DGKB: variants seen among roughly 807,000 people sequenced by gnomAD.
The protein encoded by DGKB is diacylglycerol kinase beta, also known as 90 kDa diacylglycerol kinase.
In DGKB, 67 loss-of-function variants were observed where a neutral mutation model predicts 114.3. The observed-to-expected ratio is 0.59, with a 90% CI of 0.48 to 0.72. The LOEUF is 0.72. Among genes scored for constraint, DGKB ranks in the 30% least tolerant of loss-of-function variants. The pLI, the probability that DGKB is intolerant of heterozygous loss-of-function variation, is 0.00. For missense variants in DGKB, 907 were observed against 975.2 expected, an observed-to-expected ratio of 0.93 and a Z score of 0.93; for synonymous variants, 398 against 323.1, an observed-to-expected ratio of 1.23 and a Z score of -2.49.
intron 21 of DGKB, among the ~76,000 whole-genome samples, chr7:14,464,719 G>C (rs1201877539): frequency 6.6e-6 from 1 of 152,178 alleles, no homozygotes; most frequent in Admixed American, 6.5e-5. Flanking sequence ...GAGGATCATA[G>C]AAATTCAGAT....
At chr7:14,552,517 G>A (rs112690115) in intron 20 of DGKB, among the ~76,000 whole-genome samples, 61 of 152,268 alleles carry the variant, frequency 4.0e-4, no homozygotes, top group African/African-American at 1.3e-3. Context: ...ATAATATTGT[G>A]TGCTAACCCT....
intron 21 of DGKB, among the ~76,000 whole-genome samples, chr7:14,464,668 T>C (rs942442464): frequency 6.6e-6 from 1 of 152,200 alleles, no homozygotes; most frequent in African/African-American, 2.4e-5. Flanking sequence ...GTGTACTTGT[T>C]AGTATTTTTA....
At chr7:14,197,917 C>T (rs1785257650) in intron 23 of DGKB, among the ~76,000 whole-genome samples, 1 of 152,000 alleles carries the variant, frequency 6.6e-6, no homozygotes, top group Admixed American at 6.6e-5. Flanking sequence ...ACACAGTCCT[C>T]CTAAGTAAGG....
intron 1 of DGKB, among the ~76,000 whole-genome samples, chr7:14,854,065 G>A (rs1437455617): frequency 6.6e-6 from 1 of 151,900 alleles, no homozygotes; most frequent in African/African-American, 2.4e-5. Flanking sequence ...TCAACATACT[G>A]TTTCCAAAAG....
intron 20 of DGKB, among the ~76,000 whole-genome samples, chr7:14,502,055 C>G (rs998542521): frequency 1.3e-5 from 2 of 151,850 alleles, no homozygotes; most frequent in African/African-American, 4.8e-5. Context: ...ATTTTTTTCC[C>G]TACTTGTTCA....
intron 2 of DGKB, among the ~76,000 whole-genome samples, chr7:14,818,482 A>G (rs1488902899): frequency 6.6e-6 from 1 of 152,132 alleles, no homozygotes; most frequent in East Asian, 1.9e-4. Flanking sequence ...GAAACAGCCC[A>G]CTATACTTCT....
chr7:14,553,610 A>T (rs1038008963), intron 20 of DGKB, among the ~76,000 whole-genome samples: 3 of 152,176 alleles, frequency 2.0e-5, no homozygotes, highest in Non-Finnish European at 2.9e-5. Flanking sequence ...GCAGCACTGT[A>T]GAACAGGTTG....
At chr7:14,940,732 A>G (rs1785527440) in intron 1 of DGKB, among the ~76,000 whole-genome samples, 1 of 152,122 alleles carries the variant, frequency 6.6e-6, no homozygotes, top group Admixed American at 6.6e-5. Flanking sequence ...TTTTATATCA[A>G]AACCAACTAT....
chr7:14,761,733 G>A (rs1223489950), intron 2 of DGKB, among the ~76,000 whole-genome samples: 1 of 152,186 alleles, frequency 6.6e-6, no homozygotes, highest in African/African-American at 2.4e-5. Context: ...CAGGCAAGCA[G>A]CCAGCCAGGC....
intron 12 of DGKB, among the ~76,000 whole-genome samples, chr7:14,673,389 G>A (rs532540849): frequency 7.2e-6 from 1 of 138,610 alleles, no homozygotes; most frequent in South Asian, 2.3e-4. Context: ...AAACCACTGT[G>A]CCTGTGTATG....
chr7:14,912,497 C>A (rs142639228), intron 1 of DGKB, among the ~76,000 whole-genome samples: 1 of 151,990 alleles, frequency 6.6e-6, no homozygotes, highest in East Asian at 1.9e-4. Flanking sequence ...AGGTAGAATG[C>A]GCTGGAACAA....
At chr7:14,320,038 G>C (rs1807437544) in intron 23 of DGKB, among the ~76,000 whole-genome samples, 1 of 152,130 alleles carries the variant, frequency 6.6e-6, no homozygotes, top group African/African-American at 2.4e-5. Context: ...AGCACTGCTG[G>C]AATAGCAGCC....
intron 2 of DGKB, among the ~76,000 whole-genome samples, chr7:14,766,042 G>C (rs1836403711): frequency 6.6e-6 from 1 of 151,834 alleles, no homozygotes. Flanking sequence ...ATCTATATGT[G>C]ATTATTTGTA....
intron 23 of DGKB, among the ~76,000 whole-genome samples, chr7:14,216,342 C>T (rs1282083398): frequency 6.6e-6 from 1 of 152,100 alleles, no homozygotes; most frequent in African/African-American, 2.4e-5. Flanking sequence ...TTCAAGGTCA[C>T]ACTAGTGTAC....
At chr7:14,571,137 A>ACC (rs1045219532) in intron 20 of DGKB, among the ~76,000 whole-genome samples, 2 of 152,204 alleles carry the variant, frequency 1.3e-5, no homozygotes, top group Non-Finnish European at 2.9e-5. Context: ...CTGGAAATTG[A>ACC]CCAAAGCATA....
chr7:14,474,367 C>T (rs1464252637), intron 21 of DGKB, among the ~76,000 whole-genome samples: 1 of 152,170 alleles, frequency 6.6e-6, no homozygotes, highest in Non-Finnish European at 1.5e-5. Context: ...GCCTTCTCAG[C>T]CATGTGGAAC....
intron 1 of DGKB, among the ~76,000 whole-genome samples, chr7:14,970,043 A>G (rs373616794): frequency 1.2e-4 from 18 of 152,316 alleles, no homozygotes; most frequent in African/African-American, 4.3e-4. Context: ...GTGGCATGTG[A>G]CTGTATTTGA....
chr7:14,376,283 G>A (rs1468494706), intron 21 of DGKB, among the ~76,000 whole-genome samples: 3 of 152,276 alleles, frequency 2.0e-5, no homozygotes, highest in Middle Eastern at 3.4e-3. Context: ...AAGATCACCT[G>A]CTGTGATAAT....
intron 23 of DGKB, among the ~76,000 whole-genome samples, chr7:14,263,363 T>C (rs1295241528): frequency 2.0e-5 from 3 of 152,180 alleles, no homozygotes; most frequent in Non-Finnish European, 2.9e-5. Flanking sequence ...AATGATGAGA[T>C]GAACCTTTGC....
Sources: allele counts gnomAD v4.1 joint callset (sites outside exome capture counted in the v4.1 genomes callset), GRCh38; gene constraint gnomAD v4.1.1; transcripts MANE v1.5; gene names NCBI Gene and HGNC (gene_info 2026-07-23, HGNC 2026-07-21).